The following ME3 variants were observed in gnomAD, a reference collection of about 807,000 sequenced individuals.
The protein encoded by ME3 is NADP-dependent malic enzyme, mitochondrial.
Under a neutral mutation model 68.9 loss-of-function variants are expected in ME3, and 48 were observed. That is an observed-to-expected ratio of 0.70 (90% confidence interval 0.55 to 0.89). The LOEUF is 0.89. Among genes scored for constraint, ME3 ranks in the 40% least tolerant of loss-of-function variants. The pLI, the probability that ME3 is intolerant of heterozygous loss-of-function variation, is 0.00. For synonymous variants in ME3, 320 were observed against 318.8 expected, an observed-to-expected ratio of 1.00 and a Z score of -0.04; for missense variants, 675 against 797.4, an observed-to-expected ratio of 0.85 and a Z score of 1.85.
chr11:86,435,241 T>A, the ME3 span: 1 of 152,244 alleles, frequency 6.6e-6, no homozygotes, highest in African/African-American at 2.4e-5. Context: ...TCTGTAATTT[T>A]GAAAATCTCT....
At chr11:86,625,183 C>A (rs996671192) in intron 2 of ME3, among the ~76,000 whole-genome samples, 1 of 152,134 alleles carries the variant, frequency 6.6e-6, no homozygotes, top group Non-Finnish European at 1.5e-5. Flanking sequence ...CATTGCCAAA[C>A]TCCTCACCAG....
chr11:86,658,130 C>CA (rs1275095671), intron 2 of ME3, among the ~76,000 whole-genome samples: 3 of 34,618 alleles, frequency 8.7e-5, no homozygotes, highest in Non-Finnish European at 1.8e-4. Context: ...ACCTTCTTCA[C>CA]AATTTTTTTT....
intron 2 of ME3, among the ~76,000 whole-genome samples, chr11:86,578,670 G>C (rs1318558330): frequency 1.3e-5 from 2 of 152,144 alleles, no homozygotes. Context: ...TTGTCCTGAA[G>C]AAAGTGGACC....
At position 86,628,745 on chromosome 11, in the gene ME3, G is replaced by A. The variant is rs967679718; in HGVS notation, c.183+43017C>T. ...AACCACGTCAGAAAATGGAAATACA[G>A]ACTTTAGATTCATGCAGACCGCAGT... On this transcript the variant is annotated intron_variant, in intron 2 of 14. Coordinates refer to ENST00000543262, the Ensembl canonical transcript of ME3. 6.6e-5 allele frequency among the ~76,000 whole-genome samples: 10 copies of A among 152,188 alleles called. 1 individual carries two copies. The highest frequency in any genetic ancestry group is 1.5e-5 in the Non-Finnish European group (1 of 68,030).
chr11:86,531,355 G>A (rs1416970690), intron 4 of ME3, among the ~76,000 whole-genome samples: 15 of 152,070 alleles, frequency 9.9e-5, no homozygotes, highest in Admixed American at 7.2e-4. Flanking sequence ...AACAACAGGT[G>A]CTGGAGAGGA....
intron 2 of ME3, among the ~76,000 whole-genome samples, chr11:86,653,106 A>T (rs1048574008): frequency 3.3e-5 from 5 of 152,262 alleles, no homozygotes; most frequent in South Asian, 2.1e-4. Flanking sequence ...AAGTCCTTAG[A>T]GACCTACAAA....
At chr11:86,489,560 A>G (rs922547252) in intron 6 of ME3, among the ~76,000 whole-genome samples, 22 of 152,032 alleles carry the variant, frequency 1.4e-4, no homozygotes, top group South Asian at 2.1e-4. Flanking sequence ...AGGGAGGGCA[A>G]TTGGTGGACA....
chr11:86,567,215 C>CAGAA (rs200604304), intron 2 of ME3, among the ~76,000 whole-genome samples: 12 of 105,868 alleles, frequency 1.1e-4, no homozygotes, highest in South Asian at 8.6e-4. Context: ...GAAACTCTGT[C>CAGAA]AGAAAGAAAG....
At chr11:86,470,400 C>G (rs1950720562) in intron 7 of ME3, among the ~76,000 whole-genome samples, 1 of 151,858 alleles carries the variant, frequency 6.6e-6, no homozygotes, top group Non-Finnish European at 1.5e-5. Context: ...TATTTCCTTC[C>G]AGGAACTAGA....
intron 4 of ME3, among the ~76,000 whole-genome samples, chr11:86,547,279 C>T (rs1211170622): frequency 1.3e-5 from 2 of 150,312 alleles, no homozygotes; most frequent in South Asian, 2.1e-4. Flanking sequence ...GGCACATATG[C>T]ACCATGGAAT....
At chr11:86,583,311 A>G (rs903629880) in intron 2 of ME3, among the ~76,000 whole-genome samples, 2 of 152,184 alleles carry the variant, frequency 1.3e-5, no homozygotes, top group African/African-American at 4.8e-5. Flanking sequence ...GTTGATGCAA[A>G]AGTAATTGTG....
chr11:86,589,211 T>C (rs1199981744), intron 2 of ME3, among the ~76,000 whole-genome samples: 1 of 152,160 alleles, frequency 6.6e-6, no homozygotes. Flanking sequence ...ATTTGTCAGA[T>C]TTACTGCAAG....
At chr11:86,449,789 T>A (rs1949531836) in intron 10 of ME3, 100 bp downstream of exon 10, 3 of 816,804 alleles carry the variant, frequency 3.7e-6, no homozygotes, top group Non-Finnish European at 4.0e-6. Context: ...TTTTGCTCTC[T>A]ATTCTGTTTG....
chr11:86,498,797 G>T (rs997216125), intron 5 of ME3, among the ~76,000 whole-genome samples: 3 of 152,174 alleles, frequency 2.0e-5, no homozygotes, highest in Non-Finnish European at 4.4e-5. Context: ...TGATGATGAT[G>T]ATAGGAATAA....
intron 4 of ME3, among the ~76,000 whole-genome samples, chr11:86,546,626 A>C (rs189228189): frequency 5.2e-5 from 8 of 152,398 alleles, no homozygotes; most frequent in African/African-American, 1.9e-4. Context: ...ATACCATCTC[A>C]TGCCAGTTAG....
chr11:86,609,169 T>A (rs1395954489), intron 2 of ME3, among the ~76,000 whole-genome samples: 2 of 152,206 alleles, frequency 1.3e-5, no homozygotes, highest in African/African-American at 4.8e-5. Context: ...GTTTATTCTC[T>A]TAAACACAAT....
At chr11:86,669,251 GAT>G (rs1310412101) in intron 2 of ME3, among the ~76,000 whole-genome samples, 1 of 152,180 alleles carries the variant, frequency 6.6e-6, no homozygotes, top group Non-Finnish European at 1.5e-5. Flanking sequence ...CCTCCTTCTA[GAT>G]ACCCTTCTTA....
At chr11:86,587,746 GTAAC>G (rs1958824408) in intron 2 of ME3, among the ~76,000 whole-genome samples, 1 of 152,180 alleles carries the variant, frequency 6.6e-6, no homozygotes, top group Non-Finnish European at 1.5e-5. Flanking sequence ...TAAAATTACT[GTAAC>G]TAAGGGAGAA....
chr11:86,523,290 G>C (rs146937998), intron 4 of ME3, among the ~76,000 whole-genome samples: 78 of 152,296 alleles, frequency 5.1e-4, no homozygotes, highest in African/African-American at 1.7e-3. Flanking sequence ...ATATGTTGTT[G>C]TCCTCATTTA....
Sources: allele counts gnomAD v4.1 joint callset (sites outside exome capture counted in the v4.1 genomes callset), GRCh38; gene constraint gnomAD v4.1.1; transcripts MANE v1.5; gene names NCBI Gene and HGNC (gene_info 2026-07-23, HGNC 2026-07-21).